Variants in SH3GL2 observed in about 807,000 individuals in gnomAD.
The protein encoded by SH3GL2 is endophilin-A1.
A neutral mutation model predicts 46.0 loss-of-function variants in SH3GL2; 24 were observed. The ratio of observed to expected loss-of-function variants is 0.52; its 90% CI spans 0.38 to 0.73. The LOEUF is 0.73. Ranked by LOEUF, SH3GL2 falls within the 30% of genes least tolerant of loss-of-function variation. The pLI is 0.00. For synonymous variants in SH3GL2, 196 were observed against 147.1 expected (o/e 1.33, Z -2.40); for missense variants, 413 against 424.2 (o/e 0.97, Z 0.23).
chr9:17,624,527 AT>A (rs71492924), intron 1 of SH3GL2, among the ~76,000 whole-genome samples: 24,285 of 147,492 alleles, frequency 0.16, 2,354 homozygotes, highest in East Asian at 0.4. Context: ...ATATAATTTT[AT>A]TTATTTATTT....
intron 1 of SH3GL2, among the ~76,000 whole-genome samples, chr9:17,658,617 A>C (rs1422038397): frequency 6.6e-6 from 1 of 152,278 alleles, no homozygotes; most frequent in African/African-American, 2.4e-5. Flanking sequence ...TTTTAAACTT[A>C]AACTAGATGT....
chr9:17,761,381 C>T (rs1886589), intron 2 of SH3GL2, 56 bp from the exon 3 acceptor site: 536,193 of 1,095,636 alleles, frequency 0.49, 135,597 homozygotes, highest in East Asian at 0.88. Flanking sequence ...AACCAAAAAC[C>T]GGTATTCTAA....
chr9:17,715,756 G>A (rs10123675), intron 1 of SH3GL2, among the ~76,000 whole-genome samples: 7,625 of 151,876 alleles, frequency 0.05, 539 homozygotes, highest in African/African-American at 0.15. Flanking sequence ...TGAAAATATC[G>A]TAAATTGATA....
chr9:17,768,919 C>T (rs1178925980), intron 3 of SH3GL2, among the ~76,000 whole-genome samples: 2 of 152,230 alleles, frequency 1.3e-5, no homozygotes, highest in East Asian at 3.8e-4. Flanking sequence ...GTTACAAAGT[C>T]CTGAGGATCT....
At chr9:17,716,956 T>C (rs1034474008) in intron 1 of SH3GL2, among the ~76,000 whole-genome samples, 1 of 152,136 alleles carries the variant, frequency 6.6e-6, no homozygotes, top group Non-Finnish European at 1.5e-5. Context: ...ATATGGTTGA[T>C]TGGTTGGTTG....
At chr9:17,582,807 G>T (rs564333986) in intron 1 of SH3GL2, among the ~76,000 whole-genome samples, 1 of 152,312 alleles carries the variant, frequency 6.6e-6, no homozygotes, top group East Asian at 1.9e-4. Context: ...ATTCGAGGCT[G>T]CCTTCTTAGC....
intron 2 of SH3GL2, among the ~76,000 whole-genome samples, chr9:17,754,488 A>G (rs1822933894): frequency 6.6e-6 from 1 of 152,036 alleles, no homozygotes; most frequent in South Asian, 2.1e-4. Context: ...CCTGGCTAAC[A>G]TGGTGAAACC....
At chr9:17,795,125 T>C (rs973015083) in intron 8 of SH3GL2, among the ~76,000 whole-genome samples, 1 of 152,140 alleles carries the variant, frequency 6.6e-6, no homozygotes, top group African/African-American at 2.4e-5. Context: ...TATGCAAAGG[T>C]TTTAAAGTGC....
At chr9:17,762,074 G>C (rs1823190545) in intron 3 of SH3GL2, among the ~76,000 whole-genome samples, 1 of 152,126 alleles carries the variant, frequency 6.6e-6, no homozygotes, top group Non-Finnish European at 1.5e-5. Context: ...GCTATATGTT[G>C]ATAAGAGGAC....
chr9:17,682,486 G>T (rs754228056), intron 1 of SH3GL2, among the ~76,000 whole-genome samples: 1 of 151,862 alleles, frequency 6.6e-6, no homozygotes, highest in South Asian at 2.1e-4. Flanking sequence ...ACGTGTTCTG[G>T]TAAGTGCGAG....
chr9:17,634,612 A>AG (rs1819502199), intron 1 of SH3GL2, among the ~76,000 whole-genome samples: 1 of 152,134 alleles, frequency 6.6e-6, no homozygotes, highest in Admixed American at 6.5e-5. Context: ...AAATATTTCT[A>AG]GGTGTTCTTT....
At chr9:17,591,052 C>T (rs1173501227) in intron 1 of SH3GL2, 1 of 152,238 alleles carries the variant, frequency 6.6e-6, no homozygotes, top group Non-Finnish European at 1.5e-5. Flanking sequence ...GCCGCCGCGC[C>T]TGGCTAACAT....
chr9:17,777,861 C>T (rs1461485357), intron 3 of SH3GL2, among the ~76,000 whole-genome samples: 3 of 151,982 alleles, frequency 2.0e-5, no homozygotes, highest in Admixed American at 6.6e-5. Flanking sequence ...GGACAAATAG[C>T]AGTCTTCTTA....
At chr9:17,721,786 C>G (rs1307823066) in intron 1 of SH3GL2, among the ~76,000 whole-genome samples, 1 of 152,028 alleles carries the variant, frequency 6.6e-6, no homozygotes, top group East Asian at 1.9e-4. Flanking sequence ...CCTTCCCAGC[C>G]TCCGTAACAC....
At chr9:17,647,946 A>G (rs1819861692) in intron 1 of SH3GL2, among the ~76,000 whole-genome samples, 1 of 152,158 alleles carries the variant, frequency 6.6e-6, no homozygotes, top group Non-Finnish European at 1.5e-5. Flanking sequence ...AGCCTACTCA[A>G]CATGAAGATG....
intron 1 of SH3GL2, among the ~76,000 whole-genome samples, chr9:17,734,137 G>C (rs1822259035): frequency 6.6e-6 from 1 of 152,038 alleles, no homozygotes; most frequent in Non-Finnish European, 1.5e-5. Context: ...GTGCCCGCAG[G>C]CACATTATTT....
At chr9:17,689,023 A>G (rs935076281) in intron 1 of SH3GL2, among the ~76,000 whole-genome samples, 3 of 152,084 alleles carry the variant, frequency 2.0e-5, no homozygotes, top group Non-Finnish European at 4.4e-5. Flanking sequence ...ACCCACACAC[A>G]CTACCCCAGC....
At chr9:17,602,622 T>A (rs1818692015) in intron 1 of SH3GL2, among the ~76,000 whole-genome samples, 1 of 152,166 alleles carries the variant, frequency 6.6e-6, no homozygotes, top group South Asian at 2.1e-4. Context: ...AAAACTTTAA[T>A]ATTATTGATT....
At chr9:17,693,858 CT>C (rs1456767071) in intron 1 of SH3GL2, among the ~76,000 whole-genome samples, 5 of 152,154 alleles carry the variant, frequency 3.3e-5, no homozygotes, top group African/African-American at 7.2e-5. Context: ...GTAACCACCC[CT>C]GTCTTGGTTA....
Sources: gnomAD v4.1 joint callset for allele counts (sites outside exome capture counted in the v4.1 genomes callset) on GRCh38, gnomAD v4.1.1 for gene constraint, MANE v1.5 for transcripts, NCBI Gene and HGNC (gene_info 2026-07-23, HGNC 2026-07-21) for gene names.